Variants in ATP8A1 observed in about 807,000 individuals in gnomAD.
ATP8A1 encodes ATPase phospholipid transporting 8A1, also known as phospholipid-transporting ATPase IA.
ATP8A1 carries 90 observed loss-of-function variants against 177.7 expected under a neutral mutation model. The observed-to-expected ratio is 0.51, with a 90% CI of 0.43 to 0.60. ATP8A1 has a LOEUF of 0.60. Ranked by LOEUF, ATP8A1 falls within the 20% of genes least tolerant of loss-of-function variation. The pLI is 0.00. For synonymous variants in ATP8A1, 493 were observed against 485.9 expected (o/e 1.01, Z -0.19); for missense variants, 1,072 against 1,392.8 (o/e 0.77, Z 3.67).
At chr4:42,593,695 T>C (rs1420991066) in intron 6 of ATP8A1, among the ~76,000 whole-genome samples, 1 of 152,072 alleles carries the variant, frequency 6.6e-6, no homozygotes. Context: ...CATTTGAAAG[T>C]CACATTCTTT....
chr4:42,451,349 G>A (rs1717910731), intron 30 of ATP8A1, among the ~76,000 whole-genome samples: 3 of 152,154 alleles, frequency 2.0e-5, no homozygotes, highest in Admixed American at 1.3e-4. Context: ...GTGTCTTCCC[G>A]AGGATCTCAA....
intron 22 of ATP8A1, among the ~76,000 whole-genome samples, chr4:42,513,872 C>A (rs1725254794): frequency 6.6e-6 from 1 of 152,160 alleles, no homozygotes; most frequent in Non-Finnish European, 1.5e-5. Flanking sequence ...ACTGCAGTCA[C>A]CATTCTCTTG....
chr4:42,620,849 T>A (rs563049200), intron 4 of ATP8A1, among the ~76,000 whole-genome samples: 53 of 152,324 alleles, frequency 3.5e-4, no homozygotes, highest in African/African-American at 1.1e-3. Context: ...GAATTCTGAT[T>A]CTATCACTTT....
chr4:42,448,012 G>A (rs1717471832), intron 30 of ATP8A1, among the ~76,000 whole-genome samples: 1 of 152,082 alleles, frequency 6.6e-6, no homozygotes, highest in Non-Finnish European at 1.5e-5. Flanking sequence ...GTCTCAAAAA[G>A]TTTTTATGTG....
At chr4:42,521,745 G>C (rs1428339731) in intron 22 of ATP8A1, among the ~76,000 whole-genome samples, 1 of 152,188 alleles carries the variant, frequency 6.6e-6, no homozygotes, top group African/African-American at 2.4e-5. Context: ...TATATTATCA[G>C]CTATGCAAGC....
At chr4:42,648,535 A>G (rs1376692397) in intron 1 of ATP8A1, among the ~76,000 whole-genome samples, 1 of 152,176 alleles carries the variant, frequency 6.6e-6, no homozygotes, top group Non-Finnish European at 1.5e-5. Flanking sequence ...TTTCACCACA[A>G]AGTAAATCAC....
Position 42,443,730 on chromosome 4 carries a change from C to T in ATP8A1, c.3016-58G>A, listed in dbSNP as rs1716896431. Reference sequence around the variant, plus strand: ...TTTATGTAGACCGAGTACACAAATACTAATGAAACTCTCTCAAATTCCCTT... The same window carrying T: ...TTTATGTAGACCGAGTACACAAATATTAATGAAACTCTCTCAAATTCCCTT... On this transcript the variant is annotated intron_variant, in intron 32 of 36. Transcript: ENST00000381668. The T allele has an allele frequency of 7.4e-5, 57 of 765,864 alleles. No homozygotes were observed. The South Asian group carries it at 8.0e-4, about 11-fold the overall frequency. The allele number at this position is 765,864 out of a possible 1,614,324, so 47.4% of individuals were successfully genotyped here. A position where few individuals can be genotyped will look rare whatever the true frequency, so the allele number is the denominator to read the frequency against.
At chr4:42,570,731 G>T (rs1014207649) in intron 14 of ATP8A1, among the ~76,000 whole-genome samples, 16 of 152,078 alleles carry the variant, frequency 1.1e-4, no homozygotes, top group African/African-American at 3.9e-4. Context: ...GTGTCTACGT[G>T]GTATCTGGCT....
At chr4:42,536,088 C>T (rs1340266579) in intron 20 of ATP8A1, among the ~76,000 whole-genome samples, 1 of 152,118 alleles carries the variant, frequency 6.6e-6, no homozygotes, top group Non-Finnish European at 1.5e-5. Context: ...CCAAACCCAG[C>T]AGAATAAATT....
At chr4:42,425,590 G>A (rs897790045) in intron 33 of ATP8A1, among the ~76,000 whole-genome samples, 10 of 152,174 alleles carry the variant, frequency 6.6e-5, no homozygotes, top group East Asian at 3.9e-4. Flanking sequence ...ATCCCACAGA[G>A]GTATTTCCTT....
At chr4:42,595,412 C>A (rs901297548) in intron 6 of ATP8A1, among the ~76,000 whole-genome samples, 1 of 152,104 alleles carries the variant, frequency 6.6e-6, no homozygotes, top group South Asian at 2.1e-4. Flanking sequence ...TTATTTATGA[C>A]ACGTATGCTT....
chr4:42,623,683 T>C lies in ATP8A1; in HGVS notation c.363+853A>G, dbSNP rs535297790. On this transcript the variant is annotated intron_variant, in intron 4 of 36. Transcript: ENST00000381668. ...GGACACAGAGGGGAACACCACATAC[T>C]GAGGCGCATTGGAGGGTGGAGGGTG... is the stretch of plus-strand genomic sequence containing the variant. Among the ~76,000 whole-genome samples, 30 of 152,090 alleles carry C rather than the reference T, an allele frequency of 2.0e-4. No individual in the cohort carries two copies. The South Asian group carries it at 6.2e-3, about 32-fold the overall frequency.
chr4:42,609,066 T>G (rs1736109527), intron 5 of ATP8A1, among the ~76,000 whole-genome samples: 1 of 152,212 alleles, frequency 6.6e-6, no homozygotes, highest in African/African-American at 2.4e-5. Context: ...GGAAACTTCC[T>G]GGATTCCTCT....
chr4:42,580,616 A>G (rs1203045218), intron 10 of ATP8A1, among the ~76,000 whole-genome samples: 2 of 152,250 alleles, frequency 1.3e-5, no homozygotes, highest in East Asian at 3.8e-4. Flanking sequence ...ATATGAAATG[A>G]AGATTTATAG....
At chr4:42,482,387 T>C (rs1252040855) in intron 25 of ATP8A1, among the ~76,000 whole-genome samples, 3 of 151,356 alleles carry the variant, frequency 2.0e-5, no homozygotes, top group Non-Finnish European at 2.9e-5. Flanking sequence ...ACAAACAGGT[T>C]TCATTCCACT....
chr4:42,444,224 T>C (rs760795382), intron 32 of ATP8A1, among the ~76,000 whole-genome samples: 5 of 152,234 alleles, frequency 3.3e-5, no homozygotes, highest in Admixed American at 6.5e-5. Context: ...TCAGAATCAC[T>C]TTCCAATGGG....
At chr4:42,638,515 G>T (rs1739616860) in intron 1 of ATP8A1, among the ~76,000 whole-genome samples, 1 of 152,180 alleles carries the variant, frequency 6.6e-6, no homozygotes, top group Non-Finnish European at 1.5e-5. Flanking sequence ...AGTCAATCTT[G>T]TTGGCAGCCA....
At chr4:42,644,243 C>A (rs1255415133) in intron 1 of ATP8A1, among the ~76,000 whole-genome samples, 2 of 152,140 alleles carry the variant, frequency 1.3e-5, no homozygotes, top group African/African-American at 4.8e-5. Flanking sequence ...CCGGGAAATT[C>A]ACTTAATAAG....
chr4:42,615,224 T>G (rs564291253), intron 5 of ATP8A1, among the ~76,000 whole-genome samples: 71 of 152,208 alleles, frequency 4.7e-4, no homozygotes, highest in Non-Finnish European at 8.5e-4. Flanking sequence ...TATTAAAAAT[T>G]GGCATATAAT....
Sources: allele counts gnomAD v4.1 joint callset (sites outside exome capture counted in the v4.1 genomes callset), GRCh38; gene constraint gnomAD v4.1.1; transcripts MANE v1.5; gene names NCBI Gene and HGNC (gene_info 2026-07-23, HGNC 2026-07-21).